ABRAXAS1: variants seen among roughly 807,000 people sequenced by gnomAD.
The protein encoded by ABRAXAS1 is abraxas 1, BRCA1 A complex subunit.
A neutral mutation model predicts 38.4 loss-of-function variants in ABRAXAS1; 26 were observed. That is an observed-to-expected ratio of 0.68 (90% CI 0.50 to 0.94). The LOEUF (loss-of-function observed/expected upper bound fraction) is 0.94, where lower values mean the gene tolerates loss of function less well. Ranked by LOEUF, ABRAXAS1 falls within the 40% of genes least tolerant of loss-of-function variation. The pLI is 0.00. For synonymous variants in ABRAXAS1, 144 were observed against 165.5 expected, an observed-to-expected ratio of 0.87 and a Z score of 1.00; for missense variants, 438 against 481.9, an observed-to-expected ratio of 0.91 and a Z score of 0.85.
At chr4:83,472,637 AT>A (rs1357140842) in intron 3 of ABRAXAS1, among the ~76,000 whole-genome samples, 3 of 152,208 alleles carry the variant, frequency 2.0e-5, no homozygotes, top group African/African-American at 7.2e-5. Flanking sequence ...ACTCATTTAT[AT>A]TTTTTATAAC....
In ABRAXAS1 at chr4:83,477,682, T is replaced by G. The variant is rs925611100; in HGVS notation, c.179-1003A>C. ...TTCAAGGCCAAAGCATTGATGTCCG[T>G]TTCAAAGAAACAAAATATAGACGGA... On this transcript the variant is annotated intron_variant, in intron 2 of 8. Coordinates refer to ENST00000321945, the MANE Select transcript of ABRAXAS1 (RefSeq NM_139076.3). 3 of 576,052 alleles carry G rather than the reference T, an allele frequency of 5.2e-6. No homozygotes were observed. The African/African-American group carries it at 5.6e-5, about 11-fold the overall frequency. 35.7% of individuals were successfully genotyped at this position (576,052 alleles called of 1,614,324 possible).
Position 83,485,027 on chromosome 4 carries a change from C to T in ABRAXAS1, c.46G>A (p.Gly16Ser), listed in dbSNP as rs1723134106. Residue 16 changes from glycine to serine, a missense_variant, in exon 1 of 9, where the codon GGC (glycine) becomes AGC (serine). Physicochemically the swap from Gly to Ser is moderately conservative, Grantham distance 56. Around this residue, in one of 3 missense-constraint regions of ABRAXAS1, gnomAD observed 60 missense variants for 31.1 expected, o/e 1.93. Coordinates refer to ENST00000321945, the MANE Select transcript of ABRAXAS1 (RefSeq NM_139076.3). ...TSAVLSGFVLGALAFQHLNTD... is the reference protein window; with the variant it reads ...TSAVLSGFVLSALAFQHLNTD... ...TTGAGGTGCTGGAAAGCGAGTGCGCCGAGCACAAAGCCCGAGAGCACCGCC... is the reference window on the plus strand; with the variant it reads ...TTGAGGTGCTGGAAAGCGAGTGCGCTGAGCACAAAGCCCGAGAGCACCGCC... 1.0e-5 allele frequency: 16 copies of T among 1,596,182 alleles called. No homozygotes were observed. The highest frequency in any genetic ancestry group is 1.2e-5 in the Non-Finnish European group (14 of 1,172,020).
intron 1 of ABRAXAS1, 96 bp downstream of exon 1, chr4:83,484,890 G>A: frequency 9.5e-7 from 1 of 1,047,214 alleles, no homozygotes; most frequent in Non-Finnish European, 1.3e-6. Context: ...GGCGGCGTCG[G>A]GGGAGCGGGC....
At position 83,470,298 on chromosome 4, in the gene ABRAXAS1, G is replaced by C. The variant is rs201470211; in HGVS notation, c.381C>G (p.Asn127Lys). Residue 127 changes from asparagine (N) to lysine (K), a missense_variant, in exon 5 of 9, where the codon AAC becomes AAG. Physicochemically the swap from Asn to Lys is moderately conservative, Grantham distance 94 (BLOSUM62 0). Around this residue, in one of 3 missense-constraint regions of ABRAXAS1, gnomAD observed 194 missense variants for 269.0 expected, o/e 0.72. Transcript: ENST00000321945. Reference protein sequence around the residue: ...LHKNLQEHFSNQDLVFLLLTP... With the variant: ...LHKNLQEHFSKQDLVFLLLTP... ...TTAATAGCAGAAAAACAAGGTCTTG[G>C]TTTGAAAAATGCTCCTGCAAGTTTT... The C allele has an allele frequency of 6.8e-6, 11 of 1,613,612 alleles. No homozygotes were observed. Among genetic ancestry groups the C allele is most frequent in the Non-Finnish European group, 9.3e-6 (11 of 1,179,744 alleles).
Position 83,485,056 on chromosome 4 carries a change from G to C in ABRAXAS1, c.17C>G (p.Thr6Arg). 2 of 1,593,154 alleles carry C rather than the reference G, an allele frequency of 1.3e-6. No individual in the cohort carries two copies. Among genetic ancestry groups the C allele is most frequent in the Non-Finnish European group, 1.7e-6 (2 of 1,170,498 alleles). MEGESTSAVLSGFVLG... is the reference protein window; with the variant it reads MEGESRSAVLSGFVLG... ...CACAAAGCCCGAGAGCACCGCCGAC[G>C]TACTCTCCCCCTCCATGCTACCGCC... Residue 6 changes from threonine to arginine, a missense_variant, in exon 1 of 9, where the codon ACG becomes AGG. By Grantham distance (71) the Thr-to-Arg change is moderately conservative (BLOSUM62 -1). Transcript: ENST00000321945.
intron 7 of ABRAXAS1, chr4:83,463,864 G>A (rs572450729): frequency 1.2e-5 from 3 of 242,394 alleles, no homozygotes; most frequent in South Asian, 1.6e-4. Context: ...CAGTTAGTTC[G>A]CTGAAAATAT....
chr4:83,467,803 G>A (rs1722428485), intron 6 of ABRAXAS1, among the ~76,000 whole-genome samples: 1 of 152,046 alleles, frequency 6.6e-6, no homozygotes, highest in East Asian at 1.9e-4. Flanking sequence ...GGGGAAGATT[G>A]CATAAAAATA....
chr4:83,468,124 G>A lies in ABRAXAS1; in HGVS notation c.597-586C>T, dbSNP rs191827862. Among the ~76,000 whole-genome samples, 5 of 152,072 alleles carry A rather than the reference G, an allele frequency of 3.3e-5. No homozygotes were observed. The East Asian group carries it at 9.7e-4, about 29-fold the overall frequency. On this transcript the variant is annotated intron_variant, in intron 6 of 8. Coordinates refer to ENST00000321945, the MANE Select transcript of ABRAXAS1 (RefSeq NM_139076.3). ...TTGAGACCAGCCTGACCAACATGGAGAAACCCCGTCTCTACTAAAAAAAAT... is the reference window on the plus strand; with the variant it reads ...TTGAGACCAGCCTGACCAACATGGAAAAACCCCGTCTCTACTAAAAAAAAT...
At chr4:83,471,939 A>G (rs935394435) in intron 4 of ABRAXAS1, among the ~76,000 whole-genome samples, 5 of 152,334 alleles carry the variant, frequency 3.3e-5, no homozygotes, top group Admixed American at 2.6e-4. Context: ...TAGGTCACAG[A>G]ATAAATGGTA....
Position 83,461,281 on chromosome 4 carries a change from A to G in ABRAXAS1, c.*1188T>C. On this transcript the variant is annotated 3_prime_UTR_variant, in exon 9 of 9. Coordinates refer to ENST00000321945, the MANE Select transcript of ABRAXAS1 (RefSeq NM_139076.3). The stretch of plus-strand genomic sequence containing the variant: ...TACTGACTCAAACCAACCTTTGGAT[A>G]GAAAAGTGTTTGAGGAGTGAGGTAA... 1 of 1,197,084 alleles carries G rather than the reference A, an allele frequency of 8.4e-7. No individual in the cohort carries two copies. 74.2% of individuals were successfully genotyped at this position (1,197,084 alleles called of 1,614,324 possible).
chr4:83,482,282 T>C (rs772102081), intron 1 of ABRAXAS1, 38 bp from the exon 2 acceptor site: 34 of 1,248,860 alleles, frequency 2.7e-5, no homozygotes, highest in Middle Eastern at 3.8e-4. Context: ...AATACACTGA[T>C]AGAATTACTG....
chr4:83,481,756 TTTTC>T (rs1340823528), intron 2 of ABRAXAS1, among the ~76,000 whole-genome samples: 2 of 152,176 alleles, frequency 1.3e-5, no homozygotes, highest in East Asian at 3.9e-4. Flanking sequence ...TATTTCTTAT[TTTTC>T]TTTTTTTGAG....
chr4:83,467,129 A>G (rs557093126), intron 7 of ABRAXAS1: 2 of 218,628 alleles, frequency 9.1e-6, no homozygotes, highest in Admixed American at 1.2e-4. Flanking sequence ...ATTGGAGCAC[A>G]TATAGAAAGC....
In ABRAXAS1 at chr4:83,483,743, C is replaced by G. The variant is rs190756887; in HGVS notation, c.87+1243G>C. ...AAGCAGGGGGGCAATGCAAGTGCAA[C>G]TAGCCAGAAAAACCACCCTTTAAAG... is the stretch of plus-strand genomic sequence containing the variant. On this transcript the variant is annotated intron_variant, in intron 1 of 8. Transcript: ENST00000321945. Among the ~76,000 whole-genome samples, 32 of 152,174 alleles carry G rather than the reference C, an allele frequency of 2.1e-4. 1 individual carries two copies. Among genetic ancestry groups the G allele is most frequent in the Admixed American group, 2.1e-3 (32 of 15,276 alleles).
chr4:83,461,014 AAG>A lies in ABRAXAS1; in HGVS notation c.*1453_*1454del. ...ACAGAAAGAAATCACAAAAGCAATT[AAG>A]AGAGCTCAAATAATGGGTAAGAAAG... On this transcript the variant is annotated 3_prime_UTR_variant, in exon 9 of 9. Transcript: ENST00000321945. 1.2e-6 allele frequency: 2 copies of A among 1,611,892 alleles called. No individual in the cohort carries two copies. The highest frequency in any genetic ancestry group is 1.7e-6 in the Non-Finnish European group (2 of 1,179,194).
In ABRAXAS1 at chr4:83,462,618, G is replaced by A. The variant is rs1345611154; in HGVS notation, c.1081C>T (p.Arg361Trp). The A allele has an allele frequency of 1.2e-6, 2 of 1,613,862 alleles. No individual in the cohort carries two copies. The highest frequency in any genetic ancestry group is 1.1e-5 in the South Asian group (1 of 91,074). Residue 361 changes from arginine to tryptophan, a missense_variant, in exon 9 of 9, where the codon CGG becomes TGG. Coordinates refer to ENST00000321945, the MANE Select transcript of ABRAXAS1 (RefSeq NM_139076.3). ...LDDRWQFKRS[R>W]LLDTQDKRSK... is the part of the protein sequence containing the mutation. ...CGTTTGTCTTGTGTATCTAACAACC[G>A]AGATCTCTTGAATTGCCATCTGTCA... is the stretch of plus-strand genomic sequence containing the variant.
intron 2 of ABRAXAS1, chr4:83,477,536 A>G: frequency 2.2e-6 from 1 of 461,254 alleles, no homozygotes. Context: ...GCAAAGTACC[A>G]CTGTAAGCCA....
intron 2 of ABRAXAS1, chr4:83,480,417 C>T (rs1286204880): frequency 3.0e-6 from 1 of 336,256 alleles, no homozygotes; most frequent in Admixed American, 3.6e-5. Context: ...TACACACACA[C>T]ATTTACATTT....
chr4:83,469,969 G>A, intron 5 of ABRAXAS1: 1 of 368,548 alleles, frequency 2.7e-6, no homozygotes. Context: ...GTAAATAAGA[G>A]CAAATCTTCA....
Sources: allele counts gnomAD v4.1 joint callset (sites outside exome capture counted in the v4.1 genomes callset), GRCh38; gene constraint gnomAD v4.1.1; regional missense constraint gnomAD v4.1.1; transcripts MANE v1.5; gene names NCBI Gene and HGNC (gene_info 2026-07-23, HGNC 2026-07-21).